The following SV2C variants were observed in gnomAD, a reference collection of about 807,000 sequenced individuals.
SV2C encodes synaptic vesicle glycoprotein 2C, also known as solute carrier family 22 member B3.
In SV2C, 49 loss-of-function variants were observed where a neutral mutation model predicts 79.7. The observed-to-expected ratio is 0.61, with a 90% CI of 0.49 to 0.78. The LOEUF (loss-of-function observed/expected upper bound fraction) is 0.78. SV2C is among the 30% of genes least tolerant of loss of function. The pLI, the probability that SV2C is intolerant of heterozygous loss-of-function variation, is 0.00. For synonymous variants in SV2C, 334 were observed against 333.2 expected, an observed-to-expected ratio of 1.00 and a Z score of -0.03; for missense variants, 833 against 912.9, an observed-to-expected ratio of 0.91 and a Z score of 1.13.
chr5:76,260,214 T>C (rs1188584872), intron 4 of SV2C, among the ~76,000 whole-genome samples: 2 of 152,216 alleles, frequency 1.3e-5, no homozygotes, highest in Non-Finnish European at 2.9e-5. Flanking sequence ...CTTTTTTTCC[T>C]ATGTTTGTTG....
At chr5:75,914,065 A>C in the SV2C span, among the ~76,000 whole-genome samples, 1 of 152,156 alleles carries the variant, frequency 6.6e-6, no homozygotes, top group Non-Finnish European at 1.5e-5. Context: ...TTCATTGAGC[A>C]TGAATTGGCT....
intron 4 of SV2C, among the ~76,000 whole-genome samples, chr5:76,275,102 C>T (rs1417166740): frequency 6.6e-6 from 1 of 152,176 alleles, no homozygotes; most frequent in African/African-American, 2.4e-5. Context: ...TTAATGTTTT[C>T]GTTTAGAACC....
At chr5:75,865,799 A>G in the SV2C span, among the ~76,000 whole-genome samples, 1 of 152,246 alleles carries the variant, frequency 6.6e-6, no homozygotes, top group Non-Finnish European at 1.5e-5. Context: ...CGTAGAAAGC[A>G]TCTTCTATGG....
intron 1 of SV2C, among the ~76,000 whole-genome samples, chr5:76,116,961 G>A (rs778221331): frequency 4.6e-5 from 7 of 152,154 alleles, no homozygotes; most frequent in Admixed American, 1.3e-4. Context: ...TACTTTACCC[G>A]AGATGGGTCC....
intron 1 of SV2C, among the ~76,000 whole-genome samples, chr5:76,093,235 T>C (rs1201201413): frequency 6.6e-6 from 1 of 152,118 alleles, no homozygotes; most frequent in East Asian, 1.9e-4. Flanking sequence ...TCTCCCACTA[T>C]CCTGACTTCA....
At position 76,160,043 on chromosome 5, in the gene SV2C, T is replaced by A. The variant is rs537190551; in HGVS notation, c.580+27713T>A. On this transcript the variant is annotated intron_variant, in intron 2 of 12. Coordinates refer to ENST00000502798, the MANE Select transcript of SV2C (RefSeq NM_014979.4). ...AAATACTTCAAAAACTTAAAAAAAA[T>A]TGTTGAAAGAAATTTTAAGACTGAA... Among the ~76,000 whole-genome samples, 10 of 151,924 alleles carry A rather than the reference T, an allele frequency of 6.6e-5. No homozygotes were observed. The South Asian group carries it at 1.5e-3, about 22-fold the overall frequency.
chr5:76,070,781 A>G, the SV2C span, among the ~76,000 whole-genome samples: 2 of 152,234 alleles, frequency 1.3e-5, no homozygotes, highest in African/African-American at 4.8e-5. Flanking sequence ...GATCTGGAAT[A>G]TCTTCTATCC....
At position 76,301,523 on chromosome 5, in the gene SV2C, G is replaced by T; in HGVS notation, c.1978G>T (p.Glu660Ter). The change falls in exon 12 of 13, where the codon GAA becomes TAA. Residue 660 changes from glutamate to a stop codon, truncating the protein, a stop_gained. Transcript: ENST00000502798. LOFTEE classifies it high-confidence loss of function. The part of the protein sequence containing the change: ...AWNSLDVVTV[E>*]LYPTDRRATG... ...GAACTCTCTTGACGTGGTCACTGTG[G>T]AACTGTACCCCACAGACCGGAGGTA... The T allele has an allele frequency of 6.2e-7, 1 of 1,613,874 alleles. No homozygotes were observed. The highest frequency in any genetic ancestry group is 8.5e-7 in the Non-Finnish European group (1 of 1,179,942).
At chr5:76,179,799 AG>A (rs1336536179) in intron 2 of SV2C, among the ~76,000 whole-genome samples, 2 of 152,384 alleles carry the variant, frequency 1.3e-5, no homozygotes, top group East Asian at 3.9e-4. Context: ...CTGACAACTT[AG>A]GTGTCTGCCT....
chr5:76,108,588 T>C (rs534573297), intron 1 of SV2C, among the ~76,000 whole-genome samples: 1 of 152,352 alleles, frequency 6.6e-6, no homozygotes, highest in South Asian at 2.1e-4. Flanking sequence ...GGAGAATACC[T>C]TTCTCTTATG....
At chr5:76,284,691 C>T (rs549916517) in intron 4 of SV2C, among the ~76,000 whole-genome samples, 2 of 152,284 alleles carry the variant, frequency 1.3e-5, no homozygotes, top group South Asian at 4.1e-4. Context: ...AAATAATATC[C>T]CAACCCTCCT....
chr5:76,311,837 A>T (rs903918738), intron 12 of SV2C, among the ~76,000 whole-genome samples: 5 of 152,226 alleles, frequency 3.3e-5, no homozygotes, highest in African/African-American at 1.2e-4. Context: ...CCACCAGCAA[A>T]ATTACTTTCA....
the SV2C span, among the ~76,000 whole-genome samples, chr5:76,038,946 A>C: frequency 6.6e-6 from 1 of 152,354 alleles, no homozygotes; most frequent in African/African-American, 2.4e-5. Flanking sequence ...CCTTTCCAGA[A>C]GAAACAGTAG....
intron 12 of SV2C, among the ~76,000 whole-genome samples, chr5:76,324,852 T>C (rs141327650): frequency 6.6e-6 from 1 of 151,838 alleles, no homozygotes; most frequent in Admixed American, 6.6e-5. Context: ...AGACCCTATC[T>C]CTACAAAAAT....
rs1010590570 is a variant in SV2C, at chr5:76,097,012, T to C, written c.-102+13500T>C. The stretch of plus-strand genomic sequence containing the variant: ...CTCTCTATATTTATATCCATATGCA[T>C]CCTTCTAGTTCTGTTTCTCTGAAGC... On this transcript the variant is annotated intron_variant, in intron 1 of 12. Coordinates refer to ENST00000502798, the MANE Select transcript of SV2C (RefSeq NM_014979.4). Among the ~76,000 whole-genome samples, 5 of 152,126 alleles carry C rather than the reference T, an allele frequency of 3.3e-5. 1 individual carries two copies. In the South Asian group the frequency reaches 1.0e-3, roughly 32 times the overall value.
chr5:75,971,177 A>T, the SV2C span, among the ~76,000 whole-genome samples: 1 of 152,218 alleles, frequency 6.6e-6, no homozygotes, highest in African/African-American at 2.4e-5. Flanking sequence ...ATGTATCTCA[A>T]AATAATAAGA....
At chr5:76,222,788 A>G (rs530995177) in intron 4 of SV2C, among the ~76,000 whole-genome samples, 1 of 152,318 alleles carries the variant, frequency 6.6e-6, no homozygotes, top group South Asian at 2.1e-4. Context: ...TCTTACATAT[A>G]TTATCTATTT....
At chr5:76,185,225 T>A (rs1743875192) in intron 2 of SV2C, among the ~76,000 whole-genome samples, 1 of 152,228 alleles carries the variant, frequency 6.6e-6, no homozygotes, top group Non-Finnish European at 1.5e-5. Context: ...CCCTGTGGCT[T>A]TGCAGGGTAC....
chr5:75,887,336 G>A, the SV2C span, among the ~76,000 whole-genome samples: 1 of 151,904 alleles, frequency 6.6e-6, no homozygotes. Context: ...CTGAGATTTT[G>A]AACCCTTTGA....
Sources: gnomAD v4.1 joint callset for allele counts (sites outside exome capture counted in the v4.1 genomes callset) on GRCh38, gnomAD v4.1.1 for gene constraint, MANE v1.5 for transcripts, NCBI Gene and HGNC (gene_info 2026-07-23, HGNC 2026-07-21) for gene names.